Variants in CATSPERG observed in about 807,000 individuals in gnomAD.
CATSPERG encodes the protein cation channel sperm-associated auxiliary subunit gamma.
In CATSPERG, 115 loss-of-function variants were observed where a neutral mutation model predicts 145.0. That is an observed-to-expected ratio of 0.79 (90% CI 0.68 to 0.93). The LOEUF is 0.93. Ranked by LOEUF, CATSPERG falls within the 40% of genes least tolerant of loss-of-function variation. The probability of loss-of-function intolerance (pLI) is 0.00; values close to 1 mark genes in which losing one functional copy is unlikely to be tolerated. For synonymous variants in CATSPERG, 588 were observed against 589.0 expected (o/e 1.00, Z 0.02); for missense variants, 1,296 against 1,490.1 (o/e 0.87, Z 2.14).
intron 17 of CATSPERG, 48 bp from the exon 18 acceptor site, chr19:38,362,162 T>A: frequency 6.5e-7 from 1 of 1,549,594 alleles, no homozygotes; most frequent in Non-Finnish European, 8.7e-7. Flanking sequence ...GCCTGGAGGC[T>A]CTCGCCCCGC....
At chr19:38,368,180 A>G (rs1166668214) in intron 26 of CATSPERG, 43 bp downstream of exon 26, 6 of 1,554,372 alleles carry the variant, frequency 3.9e-6, no homozygotes, top group Non-Finnish European at 5.3e-6. Flanking sequence ...ATCTGTCGGT[A>G]GTCCATTGGG....
chr19:38,367,662 G>A lies in CATSPERG; in HGVS notation c.2835-19G>A. The A allele has an allele frequency of 6.2e-7, 1 of 1,613,796 alleles. No individual in the cohort carries two copies. On this transcript the variant is annotated intron_variant, in intron 24 of 28. Coordinates refer to ENST00000409235, the MANE Select transcript of CATSPERG (RefSeq NM_021185.5). ...TCGAGACCCGGAGGCCAGTCTGTGT[G>A]CACTTCTGTCCCTGGTAGCTATGTT...
intron 1 of CATSPERG, chr19:38,336,922 T>C: frequency 2.1e-6 from 1 of 479,854 alleles, no homozygotes; most frequent in South Asian, 2.1e-5. Flanking sequence ...ATAGCAGAGG[T>C]GCGATACCCA....
intron 25 of CATSPERG, 58 bp downstream of exon 25, chr19:38,367,834 A>G: frequency 1.3e-6 from 2 of 1,516,166 alleles, no homozygotes; most frequent in South Asian, 2.3e-5. Context: ...GGCCTTTCCC[A>G]CTTCCAAGCC....
At chr19:38,341,779 G>A (rs1969942154) in intron 3 of CATSPERG, among the ~76,000 whole-genome samples, 1 of 152,142 alleles carries the variant, frequency 6.6e-6, no homozygotes, top group Admixed American at 6.5e-5. Context: ...GCGCATGCCT[G>A]TAATCCCAGC....
At position 38,344,094 on chromosome 19, in the gene CATSPERG, C is replaced by G. The variant is rs762246448; in HGVS notation, c.571C>G (p.Leu191Val). The change falls in exon 5 of 29, where the codon CTG (leucine) becomes GTG (valine). Residue 191 changes from leucine to valine, a missense_variant. Transcript: ENST00000409235. ...GCGTGTGGACATCAGCAGCAATGGC[C>G]TGGGGACCTTCATTCCAGATAAAAG... ...VMRVDISSNG[L>V]GTFIPDKRFQ... The G allele has an allele frequency of 6.4e-7, 1 of 1,551,630 alleles. No homozygotes were observed. The highest frequency in any genetic ancestry group is 1.2e-5 in the South Asian group (1 of 84,058).
chr19:38,367,386 T>C (rs2145113724), intron 23 of CATSPERG, 74 bp downstream of exon 23: 2 of 1,564,192 alleles, frequency 1.3e-6, no homozygotes, highest in Non-Finnish European at 1.7e-6. Flanking sequence ...TCCCTCCCCA[T>C]TCCTCTCCCC....
intron 16 of CATSPERG, 66 bp downstream of exon 16, chr19:38,360,909 T>G: frequency 7.5e-7 from 1 of 1,340,014 alleles, no homozygotes; most frequent in South Asian, 1.3e-5. Context: ...GAAGCTACCA[T>G]TCTTGAGAGA....
chr19:38,348,033 C>T (rs923322076), intron 7 of CATSPERG, among the ~76,000 whole-genome samples: 7 of 151,904 alleles, frequency 4.6e-5, no homozygotes, highest in Non-Finnish European at 1.0e-4. Flanking sequence ...GATTAGTATT[C>T]TCCTGACCCC....
In CATSPERG at chr19:38,360,799, G is replaced by C. The variant is rs764362194; in HGVS notation, c.1836G>C (p.Leu612=). ...VKRLVPVEQL[L]MYQQHTSHYD... ...GGCTCGTGCCCGTGGAGCAGCTTCTGATGTATCAACAGCACACCAGCCACT... is the reference window on the plus strand; with the variant it reads ...GGCTCGTGCCCGTGGAGCAGCTTCTCATGTATCAACAGCACACCAGCCACT... The change falls in exon 16 of 29, where the codon CTG becomes CTC. Residue 612 remains leucine, a synonymous_variant. Transcript: ENST00000409235. The C allele has an allele frequency of 6.2e-7, 1 of 1,611,210 alleles. No individual in the cohort carries two copies. The highest frequency in any genetic ancestry group is 8.5e-7 in the Non-Finnish European group (1 of 1,179,128).
intron 16 of CATSPERG, among the ~76,000 whole-genome samples, 199 bp from the exon 17 acceptor site, chr19:38,361,449 C>A (rs1483459651): frequency 6.6e-6 from 1 of 151,852 alleles, no homozygotes; most frequent in Non-Finnish European, 1.5e-5. Context: ...GTAGGGAGGA[C>A]TCTGGTCTCA....
Position 38,343,655 on chromosome 19 carries a change from G to A in CATSPERG, c.400G>A (p.Val134Ile). 6.4e-7 allele frequency: 1 copy of A among 1,551,538 alleles called. No homozygotes were observed. The change falls in exon 4 of 29, where the codon GTC (valine) becomes ATC (isoleucine). Residue 134 changes from valine (V) to isoleucine (I), a missense_variant. Physicochemically the swap from Val to Ile is conservative, Grantham distance 29. Transcript: ENST00000409235. ...GGTGCTGGTCACCTTCCAGTCCCCAGTCAACTTCTACCGCTGGAAGATAGA... is the reference window on the plus strand; with the variant it reads ...GGTGCTGGTCACCTTCCAGTCCCCAATCAACTTCTACCGCTGGAAGATAGA... ...PLVLVTFQSP[V>I]NFYRWKIEQL...
chr19:38,363,373 C>T (rs887968050), intron 20 of CATSPERG, among the ~76,000 whole-genome samples: 2 of 151,680 alleles, frequency 1.3e-5, no homozygotes, highest in Non-Finnish European at 2.9e-5. Context: ...ACGGGGGTCT[C>T]CCTATGTTGC....
At chr19:38,367,428 T>G in intron 23 of CATSPERG, 81 bp from the exon 24 acceptor site, 2 of 1,562,154 alleles carry the variant, frequency 1.3e-6, no homozygotes, top group Non-Finnish European at 1.7e-6. Context: ...CTGCGGCATC[T>G]CACTTTCCCC....
chr19:38,358,561 G>A lies in CATSPERG; in HGVS notation c.1496G>A (p.Ser499Asn), dbSNP rs1260952852. Residue 499 changes from serine (S) to asparagine (N), a missense_variant and splice_region_variant, in exon 13 of 29, where the codon AGC (serine) becomes AAC (asparagine). Coordinates refer to ENST00000409235, the MANE Select transcript of CATSPERG (RefSeq NM_021185.5). ...ATCTGGGGCAACTTCCTCCTGCAGA[G>A]GTGGGCCTCTACCACCCCTGGGTGG... Reference protein sequence around the residue: ...IFIWGNFLLQSSNKENFIYLA... With the variant: ...IFIWGNFLLQNSNKENFIYLA... 1.2e-6 allele frequency: 2 copies of A among 1,614,032 alleles called. No homozygotes were observed. The highest frequency in any genetic ancestry group is 2.7e-5 in the African/African-American group (2 of 74,938).
chr19:38,347,266 T>C (rs377739448), intron 7 of CATSPERG, among the ~76,000 whole-genome samples: 29 of 152,034 alleles, frequency 1.9e-4, no homozygotes, highest in Non-Finnish European at 2.1e-4. Flanking sequence ...TAATCCCAGC[T>C]ACTCAGGAGG....
In CATSPERG at chr19:38,356,748, C is replaced by T. The variant is rs372118402; in HGVS notation, c.1202C>T (p.Thr401Ile). 6.2e-7 allele frequency: 1 copy of T among 1,613,978 alleles called. No individual in the cohort carries two copies. The highest frequency in any genetic ancestry group is 8.5e-7 in the Non-Finnish European group (1 of 1,179,982). The change falls in exon 11 of 29, where the codon ACC becomes ATC. Residue 401 changes from threonine (T) to isoleucine (I), a missense_variant. Thr to Ile is a moderately conservative substitution (Grantham distance 89, BLOSUM62 -1). Transcript: ENST00000409235. ...CTGCCCCTTTCCCTCTCAGTTACCA[C>T]CTGCTCCATAATTTGGTCTGAATAC... ...WSVCEQIGVT[T>I]CSIIWSEYIA...
intron 6 of CATSPERG, 78 bp downstream of exon 6, chr19:38,344,446 C>A: frequency 1.5e-6 from 2 of 1,291,304 alleles, no homozygotes; most frequent in Non-Finnish European, 2.2e-6. Context: ...AGACAAGCAG[C>A]AGATCCCATT....
rs1029302657 is a variant in CATSPERG at position 38,358,493 on chromosome 19, C to T, written c.1428C>T (p.Ala476=). ...GTESYTSTAM[A]PKGIFCNPYN... is the part of the protein sequence containing the mutation. ...AGTCCTACACCAGCACTGCAATGGC[C>T]CCCAAGGGCATCTTCTGTAACCCGT... is the stretch of plus-strand genomic sequence containing the variant. Residue 476 remains alanine, a synonymous_variant, in exon 13 of 29, where the codon GCC becomes GCT. Transcript: ENST00000409235. The T allele has an allele frequency of 2.4e-5, 39 of 1,614,166 alleles. No homozygotes were observed. Among genetic ancestry groups the T allele is most frequent in the Non-Finnish European group, 3.0e-5 (35 of 1,180,016 alleles).
Sources: gnomAD v4.1 joint callset for allele counts (sites outside exome capture counted in the v4.1 genomes callset) on GRCh38, gnomAD v4.1.1 for gene constraint, MANE v1.5 for transcripts, NCBI Gene and HGNC (gene_info 2026-07-23, HGNC 2026-07-21) for gene names.